The following SOX6 variants were observed in gnomAD, a reference collection of about 807,000 sequenced individuals.
SOX6 encodes transcription factor SOX-6.
A neutral mutation model predicts 97.8 loss-of-function variants in SOX6; 11 were observed. That is an observed-to-expected ratio of 0.11 (90% CI 0.07 to 0.19). SOX6 has a LOEUF of 0.19. Ranked by LOEUF, SOX6 falls within the 10% of genes least tolerant of loss-of-function variation. The probability of loss-of-function intolerance (pLI) is 1.00; values close to 1 mark genes in which losing one functional copy is unlikely to be tolerated. For synonymous variants in SOX6, 360 were observed against 371.4 expected (o/e 0.97, Z 0.35); for missense variants, 810 against 1,039.5 (o/e 0.78, Z 3.04).
intron 4 of SOX6, among the ~76,000 whole-genome samples, chr11:16,536,005 C>A (rs2133173088): frequency 6.6e-6 from 1 of 152,298 alleles, no homozygotes. Flanking sequence ...CTTCAATTTG[C>A]AAATGTTATT....
At chr11:16,568,148 G>A (rs1213536970) in intron 4 of SOX6, among the ~76,000 whole-genome samples, 4 of 152,052 alleles carry the variant, frequency 2.6e-5, no homozygotes, top group Admixed American at 6.6e-5. Context: ...TAAATTTCTT[G>A]TATAGGCTTG....
At chr11:16,242,974 T>C (rs947326844) in intron 3 of SOX6, among the ~76,000 whole-genome samples, 4 of 151,900 alleles carry the variant, frequency 2.6e-5, no homozygotes, top group African/African-American at 9.7e-5. Flanking sequence ...CTATCTCCAC[T>C]GTACATACCT....
chr11:16,373,240 A>G (rs1857539985), intron 1 of SOX6, among the ~76,000 whole-genome samples: 1 of 152,106 alleles, frequency 6.6e-6, no homozygotes, highest in Admixed American at 6.6e-5. Context: ...TGACAACCAC[A>G]AAGGACAATT....
Position 16,337,636 on chromosome 11 carries a change from T to C in SOX6, c.237+3376A>G, listed in dbSNP as rs888053064. Among the ~76,000 whole-genome samples, 3 of 152,118 alleles carry C rather than the reference T, an allele frequency of 2.0e-5. No homozygotes were observed. In the South Asian group the frequency reaches 6.2e-4, roughly 32 times the overall value. On this transcript the variant is annotated intron_variant, in intron 2 of 15. Transcript: ENST00000683767. Reference sequence around the variant, plus strand: ...GGTAGCAGTTGTGGATAGAGGATAGTGAATCTTATTTACATTAACTTTCCA... The same window carrying C: ...GGTAGCAGTTGTGGATAGAGGATAGCGAATCTTATTTACATTAACTTTCCA...
chr11:16,452,010 A>ATAAATAAATAAATAAC (rs1859728088), intron 1 of SOX6, among the ~76,000 whole-genome samples: 1 of 151,352 alleles, frequency 6.6e-6, no homozygotes, highest in African/African-American at 2.4e-5. Context: ...AAATAAATAA[A>ATAAATAAATAAATAAC]TAAAATAAAA....
Position 16,096,035 on chromosome 11 carries a change from T to G in SOX6, c.1062A>C (p.Glu354Asp). ...GGTTGTAAGAGTGGCCACCACCATG[T>G]TCAAAGGTGTCCAAATTCCTGCCAA... is the stretch of plus-strand genomic sequence containing the variant. ...DRFGRNLDTF[E>D]HGGGHSYNHK... The change falls in exon 9 of 16, where the codon GAA (glutamate) becomes GAC (aspartate). Residue 354 changes from glutamate (E) to aspartate (D), a missense_variant. Physicochemically the swap from Glu to Asp is conservative, Grantham distance 45. Transcript: ENST00000683767. 6.2e-7 allele frequency: 1 copy of G among 1,611,674 alleles called. No individual in the cohort carries two copies. The highest frequency in any genetic ancestry group is 8.5e-7 in the Non-Finnish European group (1 of 1,178,554).
intron 1 of SOX6, among the ~76,000 whole-genome samples, chr11:16,426,376 T>A (rs891452518): frequency 4.7e-5 from 7 of 148,256 alleles, no homozygotes; most frequent in Admixed American, 1.4e-4. Flanking sequence ...AGAATAAAGC[T>A]GAAAGTATCA....
intron 4 of SOX6, among the ~76,000 whole-genome samples, chr11:16,510,544 C>T (rs986614344): frequency 1.3e-5 from 2 of 152,014 alleles, no homozygotes; most frequent in African/African-American, 4.8e-5. Flanking sequence ...GATTACACCA[C>T]ATTTTTAAAG....
chr11:16,191,862 CTTTTT>C (rs796766643), intron 4 of SOX6, among the ~76,000 whole-genome samples: 2 of 135,476 alleles, frequency 1.5e-5, no homozygotes, highest in Non-Finnish European at 3.2e-5. Flanking sequence ...TCTTTTTTTT[CTTTTT>C]TTTTCTTTTT....
intron 3 of SOX6, among the ~76,000 whole-genome samples, chr11:16,705,730 G>A (rs1848127327): frequency 6.6e-6 from 1 of 152,064 alleles, no homozygotes; most frequent in Admixed American, 6.6e-5. Context: ...TAGAAGCAAA[G>A]TTTTGTATTC....
At chr11:16,686,472 A>G (rs867357970) in intron 3 of SOX6, among the ~76,000 whole-genome samples, 2 of 152,358 alleles carry the variant, frequency 1.3e-5, no homozygotes, top group South Asian at 2.1e-4. Context: ...TCTCTAGGGC[A>G]TGGACACAAT....
At chr11:16,103,196 T>C (rs897100857) in intron 7 of SOX6, among the ~76,000 whole-genome samples, 9 of 151,404 alleles carry the variant, frequency 5.9e-5, no homozygotes, top group Middle Eastern at 3.4e-3. Context: ...AACAATCCCA[T>C]TAAAAAGTGG....
At chr11:16,496,998 C>G (rs887664472) in intron 4 of SOX6, among the ~76,000 whole-genome samples, 2 of 152,202 alleles carry the variant, frequency 1.3e-5, no homozygotes, top group Non-Finnish European at 1.5e-5. Flanking sequence ...AGCTGGAGAT[C>G]TGAGAACGGA....
At chr11:16,503,104 C>T (rs1420405790) in intron 4 of SOX6, among the ~76,000 whole-genome samples, 1 of 151,834 alleles carries the variant, frequency 6.6e-6, no homozygotes, top group East Asian at 1.9e-4. Flanking sequence ...ATATACAATA[C>T]CCAGCAAAGT....
chr11:16,156,624 A>G (rs898664557), intron 6 of SOX6, among the ~76,000 whole-genome samples: 8 of 151,942 alleles, frequency 5.3e-5, no homozygotes, highest in Middle Eastern at 6.8e-3. Flanking sequence ...CCACCAATAC[A>G]TCTCTGACTT....
chr11:16,399,417 T>A (rs1210453778), intron 1 of SOX6, among the ~76,000 whole-genome samples: 1 of 151,360 alleles, frequency 6.6e-6, no homozygotes, highest in East Asian at 1.9e-4. Flanking sequence ...TGGAGTGCAG[T>A]GGCACTATCA....
chr11:16,257,231 C>T (rs1411429555), intron 3 of SOX6, among the ~76,000 whole-genome samples: 1 of 151,642 alleles, frequency 6.6e-6, no homozygotes, highest in East Asian at 1.9e-4. Context: ...TATGAAGAGG[C>T]AAAAGACACA....
chr11:16,336,162 A>G (rs1399353595), intron 2 of SOX6, among the ~76,000 whole-genome samples: 6 of 152,164 alleles, frequency 3.9e-5, no homozygotes, highest in African/African-American at 1.4e-4. Flanking sequence ...AAGTGTACAC[A>G]TGTACATAAG....
At position 16,448,962 on chromosome 11, in the gene SOX6, T is replaced by C. The variant is rs1027812809; in HGVS notation, c.-5+27353A>G. 3.9e-5 allele frequency among the ~76,000 whole-genome samples: 6 copies of C among 152,234 alleles called. 1 individual carries two copies. Among genetic ancestry groups the C allele is most frequent in the African/African-American group, 1.4e-4 (6 of 41,542 alleles). ...CTTAAGAAACCCTTGAGCCTAGGAG[T>C]TCAAGGCTGCAGTGCAAGCTATGAT... On this transcript the variant is annotated intron_variant, in intron 1 of 15. Coordinates refer to the SOX6 transcript ENST00000396356.
Sources: gnomAD v4.1 joint callset for allele counts (sites outside exome capture counted in the v4.1 genomes callset) on GRCh38, gnomAD v4.1.1 for gene constraint, MANE v1.5 for transcripts, NCBI Gene and HGNC (gene_info 2026-07-23, HGNC 2026-07-21) for gene names.